HOOK3: variants seen among roughly 807,000 people sequenced by gnomAD.
The protein encoded by HOOK3 is hook microtubule tethering protein 3, also known as protein Hook homolog 3.
Under a neutral mutation model 116.3 loss-of-function variants are expected in HOOK3, and 24 were observed. The ratio of observed to expected loss-of-function variants is 0.21; its 90% CI spans 0.15 to 0.29. The LOEUF is 0.29. HOOK3 is among the 10% of genes least tolerant of loss of function. HOOK3 has a pLI of 1.00. For synonymous variants in HOOK3, 275 were observed against 283.0 expected (o/e 0.97, Z 0.28); for missense variants, 632 against 830.2 (o/e 0.76, Z 2.93).
chr8:42,915,300 C>G (rs1337857351), intron 2 of HOOK3, among the ~76,000 whole-genome samples: 1 of 151,964 alleles, frequency 6.6e-6, no homozygotes, highest in Non-Finnish European at 1.5e-5. Flanking sequence ...AGGAGGATCA[C>G]TGAGTCTCAA....
At chr8:42,926,053 C>T (rs1019932253) in intron 3 of HOOK3, among the ~76,000 whole-genome samples, 1 of 152,146 alleles carries the variant, frequency 6.6e-6, no homozygotes, top group Non-Finnish European at 1.5e-5. Context: ...GTATCGTAAA[C>T]ACTCAGAGAA....
chr8:42,945,760 A>C (rs1158824980), intron 5 of HOOK3, among the ~76,000 whole-genome samples: 1 of 152,226 alleles, frequency 6.6e-6, no homozygotes, highest in Non-Finnish European at 1.5e-5. Flanking sequence ...TAGTAAAACC[A>C]CTAACATAGA....
chr8:42,957,046 A>C, intron 6 of HOOK3, 48 bp from the exon 7 acceptor site: 1 of 1,018,750 alleles, frequency 9.8e-7, no homozygotes, highest in South Asian at 1.6e-5. Context: ...TTTTATGTAG[A>C]ATGTCTTTTT....
chr8:42,943,843 T>C (rs774565713), intron 5 of HOOK3, among the ~76,000 whole-genome samples: 1 of 152,218 alleles, frequency 6.6e-6, no homozygotes, highest in South Asian at 2.1e-4. Context: ...TTCTCCTTTT[T>C]CTTTTTTTAG....
At chr8:42,995,736 TTC>T (rs1809251954) in intron 15 of HOOK3, among the ~76,000 whole-genome samples, 3 of 152,296 alleles carry the variant, frequency 2.0e-5, no homozygotes, top group Middle Eastern at 3.4e-3. Context: ...ATTCCTATAT[TTC>T]TTTCTTATCC....
At chr8:42,946,763 C>CTTTTTTTTTTTTTTTTTTTTTTTT (rs34564365) in intron 5 of HOOK3, among the ~76,000 whole-genome samples, 2 of 73,956 alleles carry the variant, frequency 2.7e-5, no homozygotes, top group Non-Finnish European at 4.9e-5. Flanking sequence ...CTCTTTCTTT[C>CTTTTTTTTTTTTTTTTTTTTTTTT]TTTTTTTTTT....
intron 4 of HOOK3, among the ~76,000 whole-genome samples, chr8:42,941,411 G>A (rs181869773): frequency 0.024 from 3,631 of 150,514 alleles, 224 homozygotes; most frequent in Admixed American, 0.14. Flanking sequence ...CCAGCTACTC[G>A]GGAGGCTGAG....
chr8:43,000,841 T>C, intron 16 of HOOK3: 1 of 152,300 alleles, frequency 6.6e-6, no homozygotes, highest in Non-Finnish European at 1.5e-5. Flanking sequence ...CATTTAACTA[T>C]GTTACTACAT....
intron 2 of HOOK3, among the ~76,000 whole-genome samples, chr8:42,908,284 A>G (rs1807354757): frequency 6.6e-6 from 1 of 152,206 alleles, no homozygotes; most frequent in African/African-American, 2.4e-5. Context: ...AAAAACTCCA[A>G]TAACCTTTTT....
At chr8:43,005,681 G>GT (rs922517537) in intron 17 of HOOK3, among the ~76,000 whole-genome samples, 2 of 151,692 alleles carry the variant, frequency 1.3e-5, no homozygotes, top group African/African-American at 4.8e-5. Context: ...TTATTTTTAT[G>GT]TTTTTAAACT....
At chr8:42,932,419 T>A (rs1393251008) in intron 4 of HOOK3, among the ~76,000 whole-genome samples, 1 of 152,158 alleles carries the variant, frequency 6.6e-6, no homozygotes, top group East Asian at 1.9e-4. Flanking sequence ...AAGATAGTGA[T>A]GCTGTTTCAG....
At chr8:42,987,591 G>GA (rs1244131252) in intron 15 of HOOK3, among the ~76,000 whole-genome samples, 1 of 152,150 alleles carries the variant, frequency 6.6e-6, no homozygotes, top group Non-Finnish European at 1.5e-5. Context: ...ACCCTAAAAG[G>GA]AAATGATTCA....
intron 10 of HOOK3, among the ~76,000 whole-genome samples, chr8:42,966,941 C>T (rs138492053): frequency 8.9e-4 from 136 of 152,192 alleles, no homozygotes; most frequent in African/African-American, 3.2e-3. Flanking sequence ...GTTCTTCCGC[C>T]ACGCCCGCAA....
intron 15 of HOOK3, among the ~76,000 whole-genome samples, chr8:42,988,881 G>A (rs1809100743): frequency 6.6e-6 from 1 of 152,060 alleles, no homozygotes; most frequent in Non-Finnish European, 1.5e-5. Context: ...TCTCCTAAAT[G>A]ACTTACCCTA....
intron 21 of HOOK3, among the ~76,000 whole-genome samples, chr8:43,016,968 G>A (rs1385776681): frequency 6.6e-6 from 1 of 152,000 alleles, no homozygotes; most frequent in Non-Finnish European, 1.5e-5. Context: ...GAACCCAGGA[G>A]TTCGAGACCA....
intron 7 of HOOK3, 104 bp downstream of exon 7, chr8:42,957,260 T>C (rs1808454170): frequency 2.1e-6 from 1 of 477,846 alleles, no homozygotes; most frequent in Non-Finnish European, 3.6e-6. Flanking sequence ...TATATTGGTT[T>C]AATTCTTTAT....
chr8:42,975,669 A>G (rs1808808386), intron 13 of HOOK3, among the ~76,000 whole-genome samples: 1 of 152,232 alleles, frequency 6.6e-6, no homozygotes, highest in South Asian at 2.1e-4. Context: ...AAGGAGAAAC[A>G]AAAGTAGTGT....
chr8:42,996,399 A>G (rs932883745), intron 15 of HOOK3, among the ~76,000 whole-genome samples: 3 of 150,980 alleles, frequency 2.0e-5, no homozygotes, highest in Non-Finnish European at 4.4e-5. Context: ...AAAAAAAAAA[A>G]AAAAGAAAAA....
chr8:42,916,147 G>C (rs910926697), intron 2 of HOOK3, among the ~76,000 whole-genome samples: 1 of 152,132 alleles, frequency 6.6e-6, no homozygotes. Flanking sequence ...CCTGACATTG[G>C]TCAGTTTTTC....
Sources: allele counts gnomAD v4.1 joint callset (sites outside exome capture counted in the v4.1 genomes callset), GRCh38; gene constraint gnomAD v4.1.1; transcripts MANE v1.5; gene names NCBI Gene and HGNC (gene_info 2026-07-23, HGNC 2026-07-21).